BACE1: variants seen among roughly 807,000 people sequenced by gnomAD.
BACE1 encodes the protein APP beta-secretase.
Under a neutral mutation model 54.0 loss-of-function variants are expected in BACE1, and 21 were observed. The observed-to-expected ratio is 0.39, with a 90% CI of 0.28 to 0.56. The LOEUF (loss-of-function observed/expected upper bound fraction) is 0.56. Ranked by LOEUF, BACE1 falls within the 20% of genes least tolerant of loss-of-function variation. The pLI, the probability that BACE1 is intolerant of heterozygous loss-of-function variation, is 0.63. For synonymous variants in BACE1, 232 were observed against 260.9 expected (o/e 0.89, Z 1.07); for missense variants, 511 against 661.2 (o/e 0.77, Z 2.49).
chr11:117,308,178 A>G (rs1188520946), intron 1 of BACE1, among the ~76,000 whole-genome samples: 1 of 152,144 alleles, frequency 6.6e-6, no homozygotes, highest in East Asian at 1.9e-4. Context: ...GAGGAAAAAA[A>G]GAAAAACCAC....
chr11:117,295,222 T>C lies in BACE1; in HGVS notation c.476A>G (p.Asn159Ser). 1 of 1,614,192 alleles carries C rather than the reference T, an allele frequency of 6.2e-7. No homozygotes were observed. The highest frequency in any genetic ancestry group is 8.5e-7 in the Non-Finnish European group (1 of 1,180,030). The change falls in exon 3 of 9, where the codon AAC becomes AGC. Residue 159 changes from asparagine (N) to serine (S), a missense_variant. Transcript: ENST00000313005. ...GTCTGATTCAGTGATGGCAGCAATG[T>C]TGGCACGCACAGTGACGTTGGGGCC... is the stretch of plus-strand genomic sequence containing the variant. ...PHGPNVTVRANIAAITESDKF... is the reference protein window; with the variant it reads ...PHGPNVTVRASIAAITESDKF...
At chr11:117,306,238 C>A (rs1056294745) in intron 1 of BACE1, among the ~76,000 whole-genome samples, 1 of 152,138 alleles carries the variant, frequency 6.6e-6, no homozygotes, top group East Asian at 1.9e-4. Context: ...CTCTGCGGAA[C>A]CCACCTGGAA....
chr11:117,296,047 TTAGAG>T (rs1437057075), intron 2 of BACE1, among the ~76,000 whole-genome samples: 2 of 152,272 alleles, frequency 1.3e-5, no homozygotes, highest in East Asian at 3.9e-4. Flanking sequence ...GATTGGGACA[TTAGAG>T]GAAACAGGGA....
Position 117,289,807 on chromosome 11 carries a change from A to C in BACE1, c.1265T>G (p.Val422Gly). The C allele has an allele frequency of 6.2e-7, 1 of 1,612,344 alleles. No individual in the cohort carries two copies. The highest frequency in any genetic ancestry group is 8.5e-7 in the Non-Finnish European group (1 of 1,178,444). Residue 422 changes from valine to glycine, a missense_variant and splice_region_variant, in exon 9 of 9, where the codon GTG (valine) becomes GGG (glycine). By Grantham distance (109) the Val-to-Gly change is moderately radical. This residue lies in a region of BACE1 where 407 missense variants were observed against 565.7 expected (regional missense o/e 0.72). Transcript: ENST00000313005. ...CGCTGCCGTCCTGAACTCATCGTGC[A>C]CTGGGGAGAGGGCAAATGTGAATGG... ...RIGFAVSACH[V>G]HDEFRTAAVE... is the part of the protein sequence containing the mutation.
Position 117,295,202 on chromosome 11 carries a change from A to C in BACE1, c.496T>G (p.Ser166Ala). ...GAGCCGTTGATGAAGAACTTGTCTG[A>C]TTCAGTGATGGCAGCAATGTTGGCA... ...VRANIAAITESDKFFINGSNW... is the reference protein window; with the variant it reads ...VRANIAAITEADKFFINGSNW... Residue 166 changes from serine to alanine, a missense_variant, in exon 3 of 9, where the codon TCA (serine) becomes GCA (alanine). Coordinates refer to ENST00000313005, the MANE Select transcript of BACE1 (RefSeq NM_012104.6). 4.3e-6 allele frequency: 7 copies of C among 1,614,150 alleles called. No homozygotes were observed. The highest frequency in any genetic ancestry group is 5.9e-6 in the Non-Finnish European group (7 of 1,180,020).
intron 2 of BACE1, chr11:117,295,761 C>T (rs998701908): frequency 1.1e-5 from 15 of 1,376,624 alleles, no homozygotes; most frequent in Middle Eastern, 2.6e-4. Context: ...TGGTACCATC[C>T]GAGTGGTAGA....
Position 117,291,697 on chromosome 11 carries a change from C to A in BACE1, c.942+15G>T. 1.3e-6 allele frequency: 2 copies of A among 1,588,444 alleles called. No homozygotes were observed. Among genetic ancestry groups the A allele is most frequent in the Middle Eastern group, 1.7e-4 (1 of 6,010 alleles). The stretch of plus-strand genomic sequence containing the variant: ...ACTGTACCATCTCTTTTACCCCCAT[C>A]CTTAGTCCACTCACGGAGGAGGCTG... On this transcript the variant is annotated intron_variant, in intron 6 of 8. Transcript: ENST00000313005.
chr11:117,300,035 C>G (rs1245582461), intron 1 of BACE1, among the ~76,000 whole-genome samples: 1 of 152,114 alleles, frequency 6.6e-6, no homozygotes, highest in African/African-American at 2.4e-5. Flanking sequence ...CCCTCCCTGC[C>G]TCCCCCTTCC....
Position 117,287,217 on chromosome 11 carries a change from T to A in BACE1, c.*2349A>T, listed in dbSNP as rs2034286607. 6.6e-6 allele frequency: 1 copy of A among 152,244 alleles called. No individual in the cohort carries two copies. The highest frequency in any genetic ancestry group is 2.4e-5 in the African/African-American group (1 of 41,420). The allele number at this position is 152,244 out of a possible 1,614,324, so 9.4% of individuals were successfully genotyped here. A position where few individuals can be genotyped will look rare whatever the true frequency, so the allele number is the denominator to read the frequency against. On this transcript the variant is annotated 3_prime_UTR_variant, in exon 9 of 9. Coordinates refer to ENST00000313005, the MANE Select transcript of BACE1 (RefSeq NM_012104.6). The stretch of plus-strand genomic sequence containing the variant: ...GTGCATGGGAGCGAGCGCCTCAGTG[T>A]TACTCTTTCTTGTTCAGGATCAGTC...
At chr11:117,310,323 G>A (rs1056911862) in intron 1 of BACE1, among the ~76,000 whole-genome samples, 5 of 152,180 alleles carry the variant, frequency 3.3e-5, no homozygotes, top group Non-Finnish European at 7.3e-5. Flanking sequence ...TTCACTCAAT[G>A]TTTTTTAGGT....
chr11:117,305,614 G>A (rs1370061076), intron 1 of BACE1, among the ~76,000 whole-genome samples: 1 of 151,792 alleles, frequency 6.6e-6, no homozygotes, highest in South Asian at 2.1e-4. Context: ...TGGATGGGAT[G>A]CCCCATTTCT....
chr11:117,305,927 T>C (rs1465230812), intron 1 of BACE1, among the ~76,000 whole-genome samples: 1 of 151,968 alleles, frequency 6.6e-6, no homozygotes, highest in African/African-American at 2.4e-5. Context: ...TCCCAGCTAC[T>C]TGGGAGGCTG....
In BACE1 at chr11:117,293,809, G is replaced by A; in HGVS notation, c.705+62C>T. On this transcript the variant is annotated intron_variant, in intron 4 of 8. Transcript: ENST00000313005. This position sits in a 1 kb window ranked among gnomAD's most constrained non-coding sequence, Gnocchi z 4.1. Reference sequence around the variant, plus strand: ...ACTGTGGTGTAGCTTTCAGGAAGGGGAGAGGATGGCACCCATCTCTCCCTC... The same window carrying A: ...ACTGTGGTGTAGCTTTCAGGAAGGGAAGAGGATGGCACCCATCTCTCCCTC... The A allele has an allele frequency of 6.6e-7, 1 of 1,522,372 alleles. No homozygotes were observed. The highest frequency in any genetic ancestry group is 8.8e-7 in the Non-Finnish European group (1 of 1,132,834). 94.3% of individuals were successfully genotyped at this position (1,522,372 alleles called of 1,614,324 possible).
intron 1 of BACE1, among the ~76,000 whole-genome samples, chr11:117,299,076 G>A (rs369629077): frequency 6.6e-6 from 1 of 152,200 alleles, no homozygotes; most frequent in African/African-American, 2.4e-5. Context: ...AAAGTGCTGA[G>A]GCGTGAGCTA....
In BACE1 at chr11:117,289,509, A is replaced by T. The variant is rs2034351071; in HGVS notation, c.*57T>A. 6.3e-7 allele frequency: 1 copy of T among 1,585,678 alleles called. No individual in the cohort carries two copies. The highest frequency in any genetic ancestry group is 1.3e-5 in the African/African-American group (1 of 74,566). ...CATCTGTGTCTCCTACTTGTGACCA[A>T]AGTGAACCACGGAGGTGTGGTCCAG... is the stretch of plus-strand genomic sequence containing the variant. On this transcript the variant is annotated 3_prime_UTR_variant, in exon 9 of 9. Transcript: ENST00000313005.
At chr11:117,295,605 T>A in intron 2 of BACE1, 1 of 1,535,508 alleles carries the variant, frequency 6.5e-7, no homozygotes, top group Admixed American at 2.0e-5. Flanking sequence ...GCTCAGGCCC[T>A]GTGAAGAACA....
At position 117,289,730 on chromosome 11, in the gene BACE1, G is replaced by C; in HGVS notation, c.1342C>G (p.Pro448Ala). ...ATGAGGGTTGACTCATCTGTCTGTG[G>C]AATGTTGTAGCCACAGTCTTCCATG... ...LDMEDCGYNI[P>A]QTDESTLMTI... Residue 448 changes from proline to alanine, a missense_variant, in exon 9 of 9, where the codon CCA (proline) becomes GCA (alanine). Physicochemically the swap from Pro to Ala is conservative, Grantham distance 27 (BLOSUM62 -1). This residue lies in a region of BACE1 where 407 missense variants were observed against 565.7 expected (regional missense o/e 0.72). Transcript: ENST00000313005. 3 of 1,614,220 alleles carry C rather than the reference G, an allele frequency of 1.9e-6. No homozygotes were observed. The East Asian group carries it at 6.7e-5, about 36-fold the overall frequency.
intron 1 of BACE1, among the ~76,000 whole-genome samples, chr11:117,309,521 G>A (rs1423391041): frequency 6.6e-6 from 1 of 152,040 alleles, no homozygotes. Flanking sequence ...GGGAGGCTGA[G>A]GCGGGTGGAT....
In BACE1 at chr11:117,293,202, G is replaced by C; in HGVS notation, c.706-14C>G. ...ACCTCCAATGATCTAGGGAAAAAAA[G>C]AGGCAGGTACCCGTGTCCTGGCACA... On this transcript the variant is annotated splice_polypyrimidine_tract_variant and intron_variant, in intron 4 of 8. Coordinates refer to ENST00000313005, the MANE Select transcript of BACE1 (RefSeq NM_012104.6). This position sits in a 1 kb window ranked among gnomAD's most constrained non-coding sequence, Gnocchi z 4.1. The C allele has an allele frequency of 6.2e-7, 1 of 1,612,906 alleles. No homozygotes were observed. The highest frequency in any genetic ancestry group is 2.2e-5 in the East Asian group (1 of 44,780).
Sources: allele counts gnomAD v4.1 joint callset (sites outside exome capture counted in the v4.1 genomes callset), GRCh38; gene constraint gnomAD v4.1.1; regional missense constraint gnomAD v4.1.1; non-coding constraint Gnocchi (gnomAD v3.1); transcripts MANE v1.5; gene names NCBI Gene and HGNC (gene_info 2026-07-23, HGNC 2026-07-21).